PKP2: variants seen among roughly 807,000 people sequenced by gnomAD.
The protein encoded by PKP2 is plakophilin 2.
In PKP2, 73 loss-of-function variants were observed where a neutral mutation model predicts 83.4. The observed-to-expected ratio is 0.88, with a 90% CI of 0.72 to 1.06. The LOEUF (loss-of-function observed/expected upper bound fraction) is 1.06. PKP2 is among the 50% of genes least tolerant of loss of function. The pLI, the probability that PKP2 is intolerant of heterozygous loss-of-function variation, is 0.00. For synonymous variants in PKP2, 409 were observed against 430.4 expected (o/e 0.95, Z 0.62); for missense variants, 966 against 1,065.4 (o/e 0.91, Z 1.30).
Position 32,895,709 on chromosome 12 carries a change from T to G in PKP2, c.223+800A>C, listed in dbSNP as rs888270490. 2.0e-5 allele frequency among the ~76,000 whole-genome samples: 3 copies of G among 152,218 alleles called. No individual in the cohort carries two copies. In the East Asian group the frequency reaches 5.8e-4, roughly 29 times the overall value. On this transcript the variant is annotated intron_variant, in intron 1 of 12. Transcript: ENST00000340811. The stretch of plus-strand genomic sequence containing the variant: ...CAAGTGGCTTGCCATCTTCTTTCCC[T>G]TCCACCTCCCCCGTCTATCAATCAT...
At chr12:32,804,721 T>A (rs973787469) in intron 9 of PKP2, among the ~76,000 whole-genome samples, 3 of 152,228 alleles carry the variant, frequency 2.0e-5, no homozygotes, top group Admixed American at 2.0e-4. Flanking sequence ...TTTGGGTTGA[T>A]TCCATGTCTT....
At chr12:32,804,715 G>A (rs1245893559) in intron 9 of PKP2, among the ~76,000 whole-genome samples, 1 of 152,132 alleles carries the variant, frequency 6.6e-6, no homozygotes, top group Non-Finnish European at 1.5e-5. Context: ...TGGGCATTTG[G>A]GTTGATTCCA....
intron 4 of PKP2, among the ~76,000 whole-genome samples, chr12:32,855,773 C>CAAAAAAAAAAAAAAAAAAAAA (rs11431590): frequency 4.3e-5 from 2 of 46,838 alleles, no homozygotes; most frequent in African/African-American, 2.1e-4. Flanking sequence ...GACTCCATCT[C>CAAAAAAAAAAAAAAAAAAAAA]AAAAAAAAAA....
chr12:32,806,640 T>A (rs1213352785), intron 9 of PKP2, among the ~76,000 whole-genome samples: 1 of 151,534 alleles, frequency 6.6e-6, no homozygotes, highest in Non-Finnish European at 1.5e-5. Flanking sequence ...TCTTATTAAT[T>A]TTTTTCAAAA....
intron 7 of PKP2, 55 bp from the exon 8 acceptor site, chr12:32,822,686 G>A (rs1182088527): frequency 4.1e-5 from 64 of 1,572,254 alleles, no homozygotes; most frequent in Admixed American, 1.0e-4. Context: ...CCTTGCAGGT[G>A]TGATATCACA....
intron 4 of PKP2, among the ~76,000 whole-genome samples, chr12:32,868,097 G>A (rs947802408): frequency 1.3e-5 from 2 of 152,186 alleles, no homozygotes; most frequent in African/African-American, 4.8e-5. Flanking sequence ...TGGGGAGACA[G>A]GAAAAGAAGA....
In PKP2 at chr12:32,792,200, A is replaced by C. The variant is rs565929882; in HGVS notation, c.*224T>G. On this transcript the variant is annotated 3_prime_UTR_variant, in exon 13 of 13. Transcript: ENST00000340811. ...ACCATAAGCCCTAATAACAAAGACC[A>C]CTATTTGTCGAGCCTGTGGCCGGTA... 1.7e-6 allele frequency: 1 copy of C among 581,618 alleles called. No individual in the cohort carries two copies. Among genetic ancestry groups the C allele is most frequent in the Non-Finnish European group, 3.1e-6 (1 of 325,516 alleles). 36.0% of individuals were successfully genotyped at this position (581,618 alleles called of 1,614,324 possible).
rs144601090 is a variant in PKP2, at chr12:32,821,439, A to G, written c.1930T>C (p.Ser644Pro). Residue 644 changes from serine to proline, a missense_variant, in exon 9 of 13, where the codon TCC (serine) becomes CCC (proline). Transcript: ENST00000340811. ...WHSIVIRMYLSLIAKSVRNYT... is the reference protein window; with the variant it reads ...WHSIVIRMYLPLIAKSVRNYT... ...TTGCGGACACTTTTGGCGATCAAGG[A>G]CAGATACATCCTTATAACAATGGAA... The G allele has an allele frequency of 3.1e-5, 50 of 1,614,110 alleles. No individual in the cohort carries two copies. The African/African-American group carries it at 3.6e-4, about 12-fold the overall frequency.
Position 32,896,552 on chromosome 12 carries a change from C to A in PKP2, c.180G>T (p.Val60=), listed in dbSNP as rs748071846. The change falls in exon 1 of 13, where the codon GTG becomes GTT. Residue 60 remains valine, a synonymous_variant. Coordinates refer to ENST00000340811, the MANE Select transcript of PKP2 (RefSeq NM_001005242.3). Reference sequence around the variant, plus strand: ...GGCCCTTCCGGGCGAGGGTCTGCTGCACCTGCTCCTGGATCCGCAGGCTCT... The same window carrying A: ...GGCCCTTCCGGGCGAGGGTCTGCTGAACCTGCTCCTGGATCCGCAGGCTCT... ...TVKSLRIQEQ[V]QQTLARKGRS... is the part of the protein sequence containing the mutation. The A allele has an allele frequency of 5.0e-6, 8 of 1,587,234 alleles. No individual in the cohort carries two copies. The South Asian group carries it at 7.8e-5, about 16-fold the overall frequency.
intron 3 of PKP2, among the ~76,000 whole-genome samples, chr12:32,872,724 G>A (rs147227422): frequency 1.8e-3 from 280 of 152,200 alleles, no homozygotes; most frequent in African/African-American, 6.4e-3. Flanking sequence ...ATTGTCAGAC[G>A]CTCAGTAAAT....
chr12:32,793,131 C>G (rs1283045000), intron 11 of PKP2, among the ~76,000 whole-genome samples: 1 of 151,992 alleles, frequency 6.6e-6, no homozygotes, highest in Non-Finnish European at 1.5e-5. Flanking sequence ...ATCCCAGCTA[C>G]TCGGGAGGCT....
intron 9 of PKP2, 104 bp downstream of exon 9, chr12:32,821,251 TA>T: frequency 9.2e-7 from 1 of 1,083,056 alleles, no homozygotes; most frequent in Non-Finnish European, 1.4e-6. Flanking sequence ...TTTACTAAAA[TA>T]AGAAACCTTT....
intron 5 of PKP2, among the ~76,000 whole-genome samples, chr12:32,848,821 T>C (rs924367864): frequency 2.0e-5 from 3 of 152,166 alleles, no homozygotes; most frequent in Non-Finnish European, 4.4e-5. Context: ...TAAAATGTGA[T>C]ATTTTAAGAC....
intron 3 of PKP2, among the ~76,000 whole-genome samples, chr12:32,869,351 G>C (rs1271145137): frequency 6.6e-6 from 1 of 152,144 alleles, no homozygotes; most frequent in Non-Finnish European, 1.5e-5. Context: ...ATATGAGGCT[G>C]AGGTGGGCGG....
At chr12:32,803,282 A>G (rs1411889458) in intron 9 of PKP2, among the ~76,000 whole-genome samples, 1 of 152,144 alleles carries the variant, frequency 6.6e-6, no homozygotes, top group African/African-American at 2.4e-5. Flanking sequence ...CTGGGGCAGG[A>G]GAATCGCTTG....
intron 9 of PKP2, among the ~76,000 whole-genome samples, chr12:32,808,698 A>T (rs527853788): frequency 6.6e-6 from 1 of 152,176 alleles, no homozygotes; most frequent in Admixed American, 6.5e-5. Context: ...ACTTCTGAAA[A>T]GGTTTCTGTG....
intron 6 of PKP2, among the ~76,000 whole-genome samples, chr12:32,834,125 A>T (rs1490517466): frequency 6.6e-6 from 1 of 152,222 alleles, no homozygotes; most frequent in Non-Finnish European, 1.5e-5. Flanking sequence ...AGGCAAAGTT[A>T]GTGAAGCAAC....
At chr12:32,892,822 G>GGGT (rs1555149541) in intron 1 of PKP2, among the ~76,000 whole-genome samples, 2 of 125,158 alleles carry the variant, frequency 1.6e-5, no homozygotes, top group African/African-American at 5.5e-5. Context: ...TGGGGGCGGG[G>GGGT]GGGGGGGGAG....
At chr12:32,822,124 A>T (rs1330664588) in intron 8 of PKP2, among the ~76,000 whole-genome samples, 1 of 152,240 alleles carries the variant, frequency 6.6e-6, no homozygotes, top group Non-Finnish European at 1.5e-5. Context: ...ATTTATATAC[A>T]ATTAGCTATG....
Sources: gnomAD v4.1 joint callset for allele counts (sites outside exome capture counted in the v4.1 genomes callset) on GRCh38, gnomAD v4.1.1 for gene constraint, MANE v1.5 for transcripts, NCBI Gene and HGNC (gene_info 2026-07-23, HGNC 2026-07-21) for gene names.